The following PCDH11X variants were observed in gnomAD, a reference collection of about 807,000 sequenced individuals.
PCDH11X encodes protocadherin-11 X-linked.
PCDH11X carries 18 observed loss-of-function variants against 53.3 expected under a neutral mutation model. That is an observed-to-expected ratio of 0.34 (90% confidence interval 0.23 to 0.50). The LOEUF (loss-of-function observed/expected upper bound fraction) is 0.50. Among genes scored for constraint, PCDH11X ranks in the 20% least tolerant of loss-of-function variants. The probability of loss-of-function intolerance (pLI) is 0.98; values close to 1 mark genes in which losing one functional copy is unlikely to be tolerated. For missense variants in PCDH11X, 570 were observed against 1,032.4 expected (o/e 0.55, Z 6.14); for synonymous variants, 279 against 393.3 (o/e 0.71, Z 3.44).
At chrX:92,438,864 T>C (rs1393949160) in intron 9 of PCDH11X, among the ~76,000 whole-genome samples, 1 of 111,330 alleles carries the variant, frequency 9.0e-6, no homozygotes, top group Non-Finnish European at 1.9e-5. Flanking sequence ...AAAGTTGTAC[T>C]GAACAGATTT....
chrX:92,403,945 G>A (rs904592933), intron 9 of PCDH11X, among the ~76,000 whole-genome samples: 22 of 110,525 alleles, frequency 2.0e-4, no homozygotes, highest in African/African-American at 7.2e-4. Context: ...TTAAGAAGAT[G>A]GTTGGAATGA....
intron 9 of PCDH11X, among the ~76,000 whole-genome samples, chrX:92,415,935 A>C (rs1240369071): frequency 8.9e-6 from 1 of 111,948 alleles, no homozygotes; most frequent in Non-Finnish European, 1.9e-5. Context: ...TAGGAAATAA[A>C]ATATTCATAG....
rs1445618245 is a variant in PCDH11X, at chrX:92,384,247, G to A, written c.3145-3488G>A. On this transcript the variant is annotated intron_variant, in intron 8 of 10. Transcript: ENST00000682573. ...TAGTCCTTTGTCAGATGGATAGATT[G>A]CAAATATTTTCTCCCATTCTGTAGG... Among the ~76,000 whole-genome samples the A allele has an allele frequency of 1.5e-4, 17 of 110,027 alleles. No individual in the cohort carries two copies. The Admixed American group carries it at 1.7e-3, about 11-fold the overall frequency.
intron 10 of PCDH11X, among the ~76,000 whole-genome samples, chrX:92,577,182 T>C (rs1176945048): frequency 9.0e-6 from 1 of 110,510 alleles, no homozygotes; most frequent in African/African-American, 3.3e-5. Flanking sequence ...CCTAGACTTT[T>C]TTTGGTTGGT....
At chrX:92,037,281 C>A (rs1183535630) in intron 6 of PCDH11X, among the ~76,000 whole-genome samples, 1 of 109,464 alleles carries the variant, frequency 9.1e-6, no homozygotes, top group Non-Finnish European at 1.9e-5. Context: ...CATTGTTCAA[C>A]TCCCACTTAT....
intron 5 of PCDH11X, among the ~76,000 whole-genome samples, chrX:91,855,213 T>G (rs1938256001): frequency 8.9e-6 from 1 of 111,867 alleles, no homozygotes; most frequent in African/African-American, 3.3e-5. Flanking sequence ...TTCATCTGCA[T>G]GTGGATATCA....
intron 6 of PCDH11X, among the ~76,000 whole-genome samples, chrX:91,899,767 T>G (rs1431819049): frequency 9.0e-6 from 1 of 110,790 alleles, no homozygotes; most frequent in Non-Finnish European, 1.9e-5. Flanking sequence ...GGAAATAAAA[T>G]GAAGACATTT....
chrX:91,923,538 A>C (rs1050322913), intron 6 of PCDH11X, among the ~76,000 whole-genome samples: 3 of 109,833 alleles, frequency 2.7e-5, no homozygotes, highest in African/African-American at 1.0e-4. Context: ...GATTTGCCAG[A>C]GGGTCCTGGG....
At chrX:92,422,016 A>G (rs1391695217) in intron 9 of PCDH11X, among the ~76,000 whole-genome samples, 1 of 109,094 alleles carries the variant, frequency 9.2e-6, no homozygotes, top group Non-Finnish European at 1.9e-5. Context: ...TTTTTATTTG[A>G]TTATCTTATA....
chrX:92,612,025 A>G (rs1327814120), intron 10 of PCDH11X, among the ~76,000 whole-genome samples: 1 of 107,236 alleles, frequency 9.3e-6, no homozygotes, highest in Non-Finnish European at 1.9e-5. Flanking sequence ...TGTCTTTGTT[A>G]ATCAGAGATA....
chrX:92,109,113 G>A (rs139930560), intron 6 of PCDH11X, among the ~76,000 whole-genome samples: 113 of 111,191 alleles, frequency 1.0e-3, no homozygotes, highest in African/African-American at 3.5e-3. Flanking sequence ...GGCCAGGCAC[G>A]GTGGCTCATG....
intron 8 of PCDH11X, among the ~76,000 whole-genome samples, chrX:92,385,695 C>T (rs2522750): frequency 9.0e-6 from 1 of 110,722 alleles, no homozygotes; most frequent in South Asian, 3.8e-4. Flanking sequence ...ATTAGCTTGG[C>T]GTGGTGGTGT....
intron 8 of PCDH11X, among the ~76,000 whole-genome samples, chrX:92,383,319 ATGT>A (rs1340304297): frequency 1.8e-4 from 5 of 28,303 alleles, no homozygotes; most frequent in Non-Finnish European, 2.2e-4. Flanking sequence ...CTGTAGATAA[ATGT>A]TTTTTTTTTT....
intron 6 of PCDH11X, chrX:91,883,684 A>G (rs1397004040): frequency 6.6e-5 from 33 of 496,682 alleles, no homozygotes; most frequent in Non-Finnish European, 7.4e-5. Context: ...GGGCGCCTGT[A>G]GTCCCAGCTA....
At chrX:92,321,272 G>A (rs1376550559) in intron 8 of PCDH11X, among the ~76,000 whole-genome samples, 29 of 102,555 alleles carry the variant, frequency 2.8e-4, no homozygotes, top group African/African-American at 5.4e-4. Context: ...GGCTCACTGC[G>A]AGCTCCGCCA....
intron 6 of PCDH11X, chrX:91,883,719 A>G (rs1339185326): frequency 1.5e-4 from 82 of 541,662 alleles, no homozygotes; most frequent in Middle Eastern, 2.4e-3. Context: ...GCAGGAGAAT[A>G]GCGTGAACCC....
Position 91,936,617 on chromosome X carries a change from A to G in PCDH11X, c.3033+57344A>G, listed in dbSNP as rs188864120. On this transcript the variant is annotated intron_variant, in intron 6 of 10. Coordinates refer to ENST00000682573, the MANE Select transcript of PCDH11X (RefSeq NM_032968.5). Reference sequence around the variant, plus strand: ...TGGTTCCTTGCCTAAAATAATTTTTATCATTTGCTATTAACTTGAAGGTAA... The same window carrying G: ...TGGTTCCTTGCCTAAAATAATTTTTGTCATTTGCTATTAACTTGAAGGTAA... Among the ~76,000 whole-genome samples the G allele has an allele frequency of 2.8e-3, 293 of 105,939 alleles. 6 individuals carry two copies. Among genetic ancestry groups the G allele is most frequent in the Admixed American group, 0.022 (216 of 9,610 alleles). 92.0% of individuals were successfully genotyped at this position (105,939 alleles called of 115,157 possible).
intron 9 of PCDH11X, among the ~76,000 whole-genome samples, chrX:92,457,697 TG>T (rs1286520520): frequency 9.2e-6 from 1 of 108,458 alleles, no homozygotes; most frequent in African/African-American, 3.3e-5. Context: ...TCTAAACTGA[TG>T]TATTAGGAGG....
chrX:92,029,496 T>C (rs1187705347), intron 6 of PCDH11X, among the ~76,000 whole-genome samples: 1 of 111,648 alleles, frequency 9.0e-6, no homozygotes, highest in Admixed American at 9.6e-5. Flanking sequence ...GCATTTATAA[T>C]GAATATGAGA....
Sources: gnomAD v4.1 joint callset for allele counts (sites outside exome capture counted in the v4.1 genomes callset) on GRCh38, gnomAD v4.1.1 for gene constraint, MANE v1.5 for transcripts, NCBI Gene and HGNC (gene_info 2026-07-23, HGNC 2026-07-21) for gene names.